The following IGSF11 variants were observed in gnomAD, a reference collection of about 807,000 sequenced individuals.
The protein encoded by IGSF11 is immunoglobulin superfamily member 11, also known as CXADR like 1.
IGSF11 carries 22 observed loss-of-function variants against 41.0 expected under a neutral mutation model. The ratio of observed to expected loss-of-function variants is 0.54; its 90% confidence interval spans 0.38 to 0.77. The LOEUF is 0.77. IGSF11 is among the 30% of genes least tolerant of loss of function. The pLI is 0.00. For missense variants in IGSF11, 444 were observed against 530.8 expected (o/e 0.84, Z 1.61); for synonymous variants, 219 against 201.3 (o/e 1.09, Z -0.74).
intron 1 of IGSF11, among the ~76,000 whole-genome samples, chr3:119,072,645 A>C (rs1157621261): frequency 1.3e-5 from 2 of 152,072 alleles, no homozygotes; most frequent in Admixed American, 6.5e-5. Flanking sequence ...GTGCGTCTGG[A>C]GTTGTTCATT....
rs371629789 is a variant in IGSF11, at chr3:119,048,748, A to G, written c.49+56396T>C. On this transcript the variant is annotated intron_variant, in intron 1 of 6. Transcript: ENST00000354673. ...ATAAACATTGATGCAAAAATCCTCA[A>G]TAAAATACTGGCAAACCGAATCCAG... Among the ~76,000 whole-genome samples the G allele has an allele frequency of 5.9e-5, 9 of 152,200 alleles. No homozygotes were observed. In the South Asian group the frequency reaches 1.0e-3, roughly 18 times the overall value.
At chr3:119,029,517 G>T (rs949932880) in intron 1 of IGSF11, among the ~76,000 whole-genome samples, 1 of 152,146 alleles carries the variant, frequency 6.6e-6, no homozygotes, top group Non-Finnish European at 1.5e-5. Context: ...TAACTGGAAA[G>T]AACCAGGACT....
intron 1 of IGSF11, among the ~76,000 whole-genome samples, chr3:119,011,249 C>T (rs1237445700): frequency 6.6e-6 from 1 of 151,936 alleles, no homozygotes; most frequent in Non-Finnish European, 1.5e-5. Flanking sequence ...GGCAGCTAAG[C>T]TCCCATTAAA....
At chr3:119,091,196 A>G (rs2076755731) in intron 1 of IGSF11, among the ~76,000 whole-genome samples, 1 of 152,180 alleles carries the variant, frequency 6.6e-6, no homozygotes, top group Admixed American at 6.5e-5. Flanking sequence ...TAAAAAGTCA[A>G]AAAACACCAG....
chr3:119,111,121 T>A (rs1359072055), intron 1 of IGSF11, among the ~76,000 whole-genome samples: 8 of 152,230 alleles, frequency 5.3e-5, no homozygotes, highest in South Asian at 2.1e-4. Flanking sequence ...GTATTTCCTG[T>A]ATCTGAATGT....
At chr3:119,013,284 A>T (rs142737187) in intron 1 of IGSF11, 1 of 152,338 alleles carries the variant, frequency 6.6e-6, no homozygotes, top group Non-Finnish European at 1.5e-5. Context: ...TGGTTTCTGC[A>T]ATTTCCTCTT....
At position 119,145,979 on chromosome 3, in the gene IGSF11, G is replaced by A. The variant is rs2077719029; in HGVS notation, c.-180C>T. 13 of 553,240 alleles carry A rather than the reference G, an allele frequency of 2.3e-5. No homozygotes were observed. In the South Asian group the frequency reaches 2.5e-4, roughly 11 times the overall value. 34.3% of individuals were successfully genotyped at this position (553,240 alleles called of 1,614,324 possible). On this transcript the variant is annotated 5_prime_UTR_variant, in exon 1 of 8. Transcript: ENST00000425327. Reference sequence around the variant, plus strand: ...GAATCGCCCCTTCTCAGGACATGGCGTACTCCCTGCGCTCGCCTGCACACT... The same window carrying A: ...GAATCGCCCCTTCTCAGGACATGGCATACTCCCTGCGCTCGCCTGCACACT...
intron 1 of IGSF11, among the ~76,000 whole-genome samples, chr3:118,940,915 A>G (rs1943640456): frequency 6.6e-6 from 1 of 151,028 alleles, no homozygotes; most frequent in Admixed American, 6.6e-5. Context: ...TGCCAAAAAA[A>G]AAAAAAAAAA....
chr3:119,066,601 T>C (rs931549473), intron 1 of IGSF11, among the ~76,000 whole-genome samples: 1 of 152,232 alleles, frequency 6.6e-6, no homozygotes, highest in Non-Finnish European at 1.5e-5. Flanking sequence ...AAATCATTGG[T>C]AGCTTGAAAT....
chr3:118,967,682 T>A (rs1172313848), intron 1 of IGSF11, among the ~76,000 whole-genome samples: 1 of 152,146 alleles, frequency 6.6e-6, no homozygotes, highest in Admixed American at 6.6e-5. Flanking sequence ...AGGACCACCC[T>A]TTCCTGTCCA....
chr3:119,087,989 C>T (rs1559860331), intron 1 of IGSF11, among the ~76,000 whole-genome samples: 1 of 152,106 alleles, frequency 6.6e-6, no homozygotes, highest in Non-Finnish European at 1.5e-5. Flanking sequence ...GAGACTGCCA[C>T]ACCCCACTGA....
chr3:119,042,132 C>A (rs1305400869), intron 1 of IGSF11, among the ~76,000 whole-genome samples: 1 of 152,156 alleles, frequency 6.6e-6, no homozygotes, highest in Non-Finnish European at 1.5e-5. Flanking sequence ...ATGCACCACA[C>A]TGAGGTTAAA....
chr3:119,078,154 A>G (rs2076531302), intron 1 of IGSF11, among the ~76,000 whole-genome samples: 1 of 152,214 alleles, frequency 6.6e-6, no homozygotes, highest in African/African-American at 2.4e-5. Flanking sequence ...TCATAAAATT[A>G]GAAAAAACTA....
chr3:118,934,824 T>G (rs950171994), intron 1 of IGSF11, among the ~76,000 whole-genome samples: 1 of 152,298 alleles, frequency 6.6e-6, no homozygotes, highest in African/African-American at 2.4e-5. Context: ...CATGATCAAA[T>G]CTGGCACATT....
intron 4 of IGSF11, among the ~76,000 whole-genome samples, chr3:118,918,664 G>C (rs1316023790): frequency 9.3e-6 from 1 of 108,022 alleles, no homozygotes; most frequent in Non-Finnish European, 1.8e-5. Context: ...AATCAATATC[G>C]TGAAAATGGC....
At position 118,974,947 on chromosome 3, in the gene IGSF11, T is replaced by C. The variant is rs763068759; in HGVS notation, c.53-44672A>G. Among the ~76,000 whole-genome samples, 11 of 152,218 alleles carry C rather than the reference T, an allele frequency of 7.2e-5. No individual in the cohort carries two copies. In the South Asian group the frequency reaches 8.3e-4, roughly 11 times the overall value. On this transcript the variant is annotated intron_variant, in intron 1 of 6. Coordinates refer to ENST00000393775, the MANE Select transcript of IGSF11 (RefSeq NM_001015887.3). ...AAAAAAATTGCCCTTCTCCATTTCC[T>C]AGCTTAAACATATCTCAGTTTCTAT... is the stretch of plus-strand genomic sequence containing the variant.
chr3:119,066,629 A>G (rs1942241527), intron 1 of IGSF11, among the ~76,000 whole-genome samples: 1 of 152,204 alleles, frequency 6.6e-6, no homozygotes, highest in South Asian at 2.1e-4. Flanking sequence ...GGTTGACAGT[A>G]TTTACACCAT....
intron 1 of IGSF11, among the ~76,000 whole-genome samples, chr3:119,126,390 T>A (rs2077405472): frequency 6.6e-6 from 1 of 152,180 alleles, no homozygotes; most frequent in East Asian, 1.9e-4. Context: ...CCTGAGCCCC[T>A]AAGGGGAGGG....
chr3:119,099,944 A>G (rs2076915353), intron 1 of IGSF11, among the ~76,000 whole-genome samples: 1 of 152,182 alleles, frequency 6.6e-6, no homozygotes, highest in Non-Finnish European at 1.5e-5. Flanking sequence ...GACAATTACT[A>G]AGAAACTAAT....
Sources: allele counts gnomAD v4.1 joint callset (sites outside exome capture counted in the v4.1 genomes callset), GRCh38; gene constraint gnomAD v4.1.1; transcripts MANE v1.5; gene names NCBI Gene and HGNC (gene_info 2026-07-23, HGNC 2026-07-21).